Variants in RBFOX1 observed in about 807,000 individuals in gnomAD.
RBFOX1 encodes the protein RNA binding fox-1 homolog 1, also known as RNA binding protein fox-1 homolog 1.
In RBFOX1, 8 loss-of-function variants were observed where a neutral mutation model predicts 57.7. The observed-to-expected ratio is 0.14, with a 90% confidence interval of 0.08 to 0.25. RBFOX1 has a LOEUF of 0.25. Ranked by LOEUF, RBFOX1 falls within the 10% of genes least tolerant of loss-of-function variation. RBFOX1 has a pLI of 1.00. For synonymous variants in RBFOX1, 326 were observed against 222.4 expected (o/e 1.47, Z -4.15); for missense variants, 611 against 548.5 (o/e 1.11, Z -1.14).
rs17139858 is a variant in RBFOX1, at chr16:6,319,512, T to C, written c.-64+2455T>C. On this transcript the variant is annotated intron_variant, in intron 2 of 15. Transcript: ENST00000550418. ...ATGCTTCTTAACTCCTGATGGAGTA[T>C]TGTGTAAATTGGAGAAAGATGGCAT... 1.6e-3 allele frequency among the ~76,000 whole-genome samples: 237 copies of C among 152,266 alleles called. 4 individuals are homozygous for C. Among genetic ancestry groups the C allele is most frequent in the African/African-American group, 5.4e-3 (225 of 41,552 alleles).
chr16:6,204,886 G>T (rs1175539505), intron 1 of RBFOX1, among the ~76,000 whole-genome samples: 1 of 152,126 alleles, frequency 6.6e-6, no homozygotes, highest in Non-Finnish European at 1.5e-5. Context: ...AAAGAAAAAT[G>T]CATAAATGCA....
chr16:7,631,954 G>C (rs1343669212), intron 11 of RBFOX1, among the ~76,000 whole-genome samples: 1 of 152,186 alleles, frequency 6.6e-6, no homozygotes, highest in Non-Finnish European at 1.5e-5. Context: ...CTGTTACCCA[G>C]GCTGGAGTGC....
At chr16:7,172,416 C>A (rs576008812) in intron 4 of RBFOX1, among the ~76,000 whole-genome samples, 2 of 152,158 alleles carry the variant, frequency 1.3e-5, no homozygotes, top group African/African-American at 4.8e-5. Flanking sequence ...ATTGTTATTC[C>A]CACCATGGCA....
At chr16:7,087,014 G>C (rs2060096190) in intron 4 of RBFOX1, among the ~76,000 whole-genome samples, 1 of 152,200 alleles carries the variant, frequency 6.6e-6, no homozygotes, top group Non-Finnish European at 1.5e-5. Flanking sequence ...CAGGACCGCA[G>C]CCTCTGAGCC....
At chr16:7,693,238 G>A in intron 14 of RBFOX1, 1 of 1,249,026 alleles carries the variant, frequency 8.0e-7, no homozygotes, top group South Asian at 1.2e-5. Context: ...CCCCTCATCT[G>A]TACACATCGA....
intron 11 of RBFOX1, among the ~76,000 whole-genome samples, chr16:7,639,568 C>G (rs1597099171): frequency 6.6e-6 from 1 of 152,006 alleles, no homozygotes; most frequent in Non-Finnish European, 1.5e-5. Flanking sequence ...TTCTATTATA[C>G]CTATATTCTT....
chr16:7,562,265 C>T (rs766859934), intron 5 of RBFOX1, among the ~76,000 whole-genome samples: 3 of 152,114 alleles, frequency 2.0e-5, no homozygotes, highest in Non-Finnish European at 4.4e-5. Context: ...TTGCTGGTGT[C>T]GTCCAAAACA....
chr16:7,675,211 C>A (rs910575221), intron 13 of RBFOX1, among the ~76,000 whole-genome samples: 1 of 151,576 alleles, frequency 6.6e-6, no homozygotes, highest in African/African-American at 2.4e-5. Context: ...CTCCATAAAC[C>A]TGGTGACCCA....
chr16:5,339,284 G>A (rs187687332), intron 1 of RBFOX1, among the ~76,000 whole-genome samples: 11 of 151,922 alleles, frequency 7.2e-5, no homozygotes, highest in African/African-American at 2.2e-4. Context: ...CCCCGCTGCC[G>A]CTTGGTTGCA....
chr16:6,337,207 C>T (rs1189932231), intron 2 of RBFOX1, among the ~76,000 whole-genome samples: 1 of 152,148 alleles, frequency 6.6e-6, no homozygotes, highest in Admixed American at 6.5e-5. Flanking sequence ...CCTTTTCTCT[C>T]ATTTCCCCCA....
chr16:6,603,307 C>G (rs980380182), intron 2 of RBFOX1, among the ~76,000 whole-genome samples: 1 of 152,154 alleles, frequency 6.6e-6, no homozygotes, highest in Non-Finnish European at 1.5e-5. Flanking sequence ...CTGATTTTTT[C>G]AAGAGAACCT....
At chr16:7,650,206 G>T (rs1340957504) in intron 11 of RBFOX1, among the ~76,000 whole-genome samples, 1 of 152,088 alleles carries the variant, frequency 6.6e-6, no homozygotes, top group African/African-American at 2.4e-5. Context: ...GCCAGCCCTA[G>T]ATTAACAAGA....
In RBFOX1 at chr16:6,933,935, C is replaced by T. The variant is rs180704054; in HGVS notation, c.-15-118122C>T. 4.4e-3 allele frequency among the ~76,000 whole-genome samples: 677 copies of T among 152,206 alleles called. 8 individuals are homozygous for T. The highest frequency in any genetic ancestry group is 0.016 in the African/African-American group (647 of 41,534). Reference sequence around the variant, plus strand: ...CAGTGTTTGAGTGATTAAAAAACAACAACATGGTATTGAAAAATCAAAGTA... The same window carrying T: ...CAGTGTTTGAGTGATTAAAAAACAATAACATGGTATTGAAAAATCAAAGTA... On this transcript the variant is annotated intron_variant, in intron 3 of 15. Transcript: ENST00000550418.
At chr16:7,434,721 T>C (rs2098708545) in intron 4 of RBFOX1, among the ~76,000 whole-genome samples, 1 of 143,414 alleles carries the variant, frequency 7.0e-6, no homozygotes. Flanking sequence ...GCGTCTAGTT[T>C]GCCCTCTTGT....
At chr16:7,084,997 T>C (rs1239047426) in intron 4 of RBFOX1, among the ~76,000 whole-genome samples, 1 of 152,178 alleles carries the variant, frequency 6.6e-6, no homozygotes, top group Non-Finnish European at 1.5e-5. Context: ...CATCCATCCA[T>C]GCATCCCACT....
chr16:5,677,236 A>G (rs1237155444), intron 3 of RBFOX1, among the ~76,000 whole-genome samples: 1 of 152,222 alleles, frequency 6.6e-6, no homozygotes, highest in African/African-American at 2.4e-5. Context: ...GAGGCTGTTG[A>G]GTATCACTAG....
intron 4 of RBFOX1, among the ~76,000 whole-genome samples, chr16:7,087,348 G>T (rs1319443977): frequency 6.6e-6 from 1 of 152,134 alleles, no homozygotes; most frequent in South Asian, 2.1e-4. Flanking sequence ...CCCGCCATCA[G>T]GAAATGGTGT....
chr16:7,425,660 C>G (rs1252846361), intron 4 of RBFOX1, among the ~76,000 whole-genome samples: 1 of 152,100 alleles, frequency 6.6e-6, no homozygotes, highest in East Asian at 1.9e-4. Context: ...TTGTTAAGCC[C>G]TGAGAATAAG....
chr16:6,028,163 T>G (rs576424509), intron 1 of RBFOX1, among the ~76,000 whole-genome samples: 47 of 152,224 alleles, frequency 3.1e-4, no homozygotes, highest in Admixed American at 2.6e-4. Flanking sequence ...ATGGCTCACT[T>G]TTACCACGTT....
Sources: allele counts gnomAD v4.1 joint callset (sites outside exome capture counted in the v4.1 genomes callset), GRCh38; gene constraint gnomAD v4.1.1; transcripts MANE v1.5; gene names NCBI Gene and HGNC (gene_info 2026-07-23, HGNC 2026-07-21).